The following LAMC2 variants were observed in gnomAD, a reference collection of about 807,000 sequenced individuals.
The protein encoded by LAMC2 is laminin subunit gamma-2.
Under a neutral mutation model 140.2 loss-of-function variants are expected in LAMC2, and 97 were observed. The ratio of observed to expected loss-of-function variants is 0.69; its 90% CI spans 0.59 to 0.82. LAMC2 has a LOEUF of 0.82. LAMC2 is among the 40% of genes least tolerant of loss of function. LAMC2 has a pLI of 0.00. For missense variants in LAMC2, 1,402 were observed against 1,476.1 expected (o/e 0.95, Z 0.82); for synonymous variants, 513 against 540.2 (o/e 0.95, Z 0.70).
At chr1:183,257,787 T>C in the LAMC2 span, among the ~76,000 whole-genome samples, 2 of 135,146 alleles carry the variant, frequency 1.5e-5, no homozygotes, top group Admixed American at 1.4e-4. Context: ...GTCAATTTTG[T>C]TTTTTTTTTT....
chr1:183,230,371 T>C (rs1412555436), intron 11 of LAMC2, among the ~76,000 whole-genome samples: 1 of 152,238 alleles, frequency 6.6e-6, no homozygotes, highest in Non-Finnish European at 1.5e-5. Flanking sequence ...ACTCAGAGAA[T>C]CACTGTAATC....
chr1:183,225,066 A>G (rs568946934), intron 7 of LAMC2, among the ~76,000 whole-genome samples: 1 of 133,052 alleles, frequency 7.5e-6, no homozygotes, highest in South Asian at 2.4e-4. Context: ...TGAGTAAAAA[A>G]CAAAACAAAA....
chr1:183,221,300 C>G (rs142321354), intron 5 of LAMC2, among the ~76,000 whole-genome samples: 4 of 152,270 alleles, frequency 2.6e-5, no homozygotes, highest in African/African-American at 9.6e-5. Context: ...CTGGAATTCA[C>G]GTTCACTAAT....
chr1:183,234,433 A>T lies in LAMC2; in HGVS notation c.2287A>T (p.Arg763Ter), dbSNP rs1558096642. The T allele has an allele frequency of 6.2e-7, 1 of 1,614,014 alleles. No individual in the cohort carries two copies. The highest frequency in any genetic ancestry group is 1.3e-5 in the African/African-American group (1 of 75,054). ...GFKSLAQEATRLAESHVESAS... is the reference protein window; with the variant it reads ...GFKSLAQEAT Reference sequence around the variant, plus strand: ...TAAAAGTCTGGCTCAGGAGGCCACAAGATTAGCAGAAAGGTGAGCAGCATT... The same window carrying T: ...TAAAAGTCTGGCTCAGGAGGCCACATGATTAGCAGAAAGGTGAGCAGCATT... The change falls in exon 15 of 23, where the codon AGA becomes TGA. Residue 763 changes from arginine (R) to a stop codon, truncating the protein, a stop_gained. Transcript: ENST00000264144. LOFTEE classifies it high-confidence loss of function.
In LAMC2 at chr1:183,236,594, A is replaced by G; in HGVS notation, c.2591A>G (p.Gln864Arg). ...TCTCGGCTTCAGGGAGTCAGTGATC[A>G]GTCCTTTCAGGTGAGGGCATCTGGC... ...SVSRLQGVSD[Q>R]SFQVEEAKRI... Residue 864 changes from glutamine to arginine, a missense_variant, in exon 17 of 23, where the codon CAG (glutamine) becomes CGG (arginine). Coordinates refer to ENST00000264144, the MANE Select transcript of LAMC2 (RefSeq NM_005562.3). 1.2e-6 allele frequency: 2 copies of G among 1,614,154 alleles called. No individual in the cohort carries two copies. Among genetic ancestry groups the G allele is most frequent in the South Asian group, 2.2e-5 (2 of 91,082 alleles).
chr1:183,212,561 C>T (rs1016560675), intron 2 of LAMC2, among the ~76,000 whole-genome samples: 11 of 152,156 alleles, frequency 7.2e-5, no homozygotes, highest in Non-Finnish European at 1.6e-4. Flanking sequence ...TGGGCTCTAT[C>T]TCTGTCCTCA....
Position 183,228,319 on chromosome 1 carries a change from C to A in LAMC2, c.1469-55C>A. 1.9e-6 allele frequency: 3 copies of A among 1,613,328 alleles called. No individual in the cohort carries two copies. In the South Asian group the frequency reaches 3.3e-5, roughly 18 times the overall value. ...GACTCGCAACTTTAGGCCTCTGCGT[C>A]TGGTCTTCCTCCTGATGGATGTCGA... On this transcript the variant is annotated intron_variant, in intron 10 of 22. Coordinates refer to ENST00000264144, the MANE Select transcript of LAMC2 (RefSeq NM_005562.3). The surrounding 1 kb of genome is among the most constrained non-coding windows in gnomAD (Gnocchi z 4.3).
intron 18 of LAMC2, among the ~76,000 whole-genome samples, chr1:183,237,972 G>A (rs762969219): frequency 5.9e-5 from 9 of 152,098 alleles, no homozygotes; most frequent in Non-Finnish European, 1.3e-4. Flanking sequence ...CCACCCAGTC[G>A]GTCAGCCCTC....
Position 183,208,970 on chromosome 1 carries a change from C to T in LAMC2, c.268+901C>T, listed in dbSNP as rs934358476. Among the ~76,000 whole-genome samples, 6 of 150,106 alleles carry T rather than the reference C, an allele frequency of 4.0e-5. No homozygotes were observed. The East Asian group carries it at 7.8e-4, about 19-fold the overall frequency. On this transcript the variant is annotated intron_variant, in intron 2 of 22. Transcript: ENST00000264144. ...CTAAGACTACAGGTGTGAGCCACCGCGCCTGGCTAGTTGTTTTTTTTTTTT... is the reference window on the plus strand; with the variant it reads ...CTAAGACTACAGGTGTGAGCCACCGTGCCTGGCTAGTTGTTTTTTTTTTTT...
Position 183,186,417 on chromosome 1 carries a change from C to T in LAMC2, c.65C>T (p.Thr22Ile). 4 of 1,604,950 alleles carry T rather than the reference C, an allele frequency of 2.5e-6. No individual in the cohort carries two copies. Among genetic ancestry groups the T allele is most frequent in the Non-Finnish European group, 1.7e-6 (2 of 1,179,724 alleles). The change falls in exon 1 of 23, where the codon ACC (threonine) becomes ATC (isoleucine). Residue 22 changes from threonine to isoleucine, a missense_variant. This residue lies in a region of LAMC2 where 723 missense variants were observed against 783.3 expected (regional missense o/e 0.92). Coordinates refer to ENST00000264144, the MANE Select transcript of LAMC2 (RefSeq NM_005562.3). ...FSLLLPAARA[T>I]SRREVCDCNG... ...CTCCTCCTGCCCGCAGCCCGGGCCA[C>T]CTCCAGGAGGGAAGGTGAGTCGGCT...
At chr1:183,202,152 C>G (rs1359638524) in intron 1 of LAMC2, among the ~76,000 whole-genome samples, 1 of 151,742 alleles carries the variant, frequency 6.6e-6, no homozygotes, top group Non-Finnish European at 1.5e-5. Context: ...TGAGATCACA[C>G]CACTGCACTT....
intron 3 of LAMC2, among the ~76,000 whole-genome samples, chr1:183,217,181 G>A (rs1009983388): frequency 3.9e-5 from 6 of 152,174 alleles, no homozygotes; most frequent in African/African-American, 7.2e-5. Context: ...TCATAGGGCA[G>A]GCAGAGGAGG....
intron 7 of LAMC2, among the ~76,000 whole-genome samples, chr1:183,223,723 A>C (rs1433474369): frequency 2.0e-5 from 3 of 152,234 alleles, no homozygotes; most frequent in Admixed American, 1.3e-4. Flanking sequence ...GAGGAAATGC[A>C]ATGCTTGAAG....
intron 6 of LAMC2, among the ~76,000 whole-genome samples, chr1:183,222,646 C>T (rs920933702): frequency 6.6e-6 from 1 of 151,462 alleles, no homozygotes; most frequent in African/African-American, 2.4e-5. Flanking sequence ...GCTAGAATTC[C>T]GATCCCAGTT....
downstream of LAMC2, among the ~76,000 whole-genome samples, chr1:183,247,613 C>T (rs115462554): frequency 4.2e-3 from 641 of 150,900 alleles, 9 homozygotes; most frequent in African/African-American, 0.015. Flanking sequence ...ATCTGATAAA[C>T]AAACAGCTAA....
At chr1:183,240,756 C>A in intron 22 of LAMC2, 2 of 1,011,028 alleles carry the variant, frequency 2.0e-6, no homozygotes, top group Non-Finnish European at 2.5e-6. Context: ...AATAACATCA[C>A]CACTGTATAT....
At position 183,221,728 on chromosome 1, in the gene LAMC2, TA is replaced by T. The variant is rs141550042; in HGVS notation, c.641-351del. 3.1e-4 allele frequency among the ~76,000 whole-genome samples: 44 copies of T among 143,162 alleles called. No homozygotes were observed. In the East Asian group the frequency reaches 4.8e-3, roughly 16 times the overall value. 93.9% of individuals were successfully genotyped at this position (143,162 alleles called of 152,430 possible). A position where few individuals can be genotyped will look rare whatever the true frequency, so the allele number is the denominator to read the frequency against. On this transcript the variant is annotated intron_variant, in intron 5 of 22. Coordinates refer to ENST00000264144, the MANE Select transcript of LAMC2 (RefSeq NM_005562.3). ...TGGGTGACAGAGCGAGACTCCGTCT[TA>T]AAAAAAAAACAAATGAAAAAAAAAT... is the stretch of plus-strand genomic sequence containing the variant.
chr1:183,240,326 C>T lies in LAMC2; in HGVS notation c.3263C>T (p.Ala1088Val), dbSNP rs1026329897. ...GAAGCCCAGAAGGTTGATACCAGAG[C>T]CAAGAACGCTGGGGTTACAATCCAA... ...ITEAQKVDTRAKNAGVTIQDT... is the reference protein window; with the variant it reads ...ITEAQKVDTRVKNAGVTIQDT... The change falls in exon 22 of 23, where the codon GCC (alanine) becomes GTC (valine). Residue 1088 changes from alanine to valine, a missense_variant. This residue lies in a region of LAMC2 where 670 missense variants were observed against 667.2 expected (regional missense o/e 1.00). Transcript: ENST00000264144. 3 of 1,614,188 alleles carry T rather than the reference C, an allele frequency of 1.9e-6. No homozygotes were observed. The highest frequency in any genetic ancestry group is 2.5e-6 in the Non-Finnish European group (3 of 1,180,038).
intron 3 of LAMC2, among the ~76,000 whole-genome samples, chr1:183,216,403 G>A (rs771947386): frequency 1.6e-4 from 24 of 151,844 alleles, no homozygotes; most frequent in South Asian, 1.3e-3. Context: ...CCGCCTCCCC[G>A]CCCCAATTCA....
Sources: gnomAD v4.1 joint callset for allele counts (sites outside exome capture counted in the v4.1 genomes callset) on GRCh38, gnomAD v4.1.1 for gene constraint, gnomAD v4.1.1 regional missense constraint, Gnocchi (gnomAD v3.1) non-coding constraint, MANE v1.5 for transcripts, NCBI Gene and HGNC (gene_info 2026-07-23, HGNC 2026-07-21) for gene names.